TTLL4: variants seen among roughly 807,000 people sequenced by gnomAD.
TTLL4 encodes tubulin monoglutamylase TTLL4.
TTLL4 carries 85 observed loss-of-function variants against 122.7 expected under a neutral mutation model. The ratio of observed to expected loss-of-function variants is 0.69; its 90% CI spans 0.58 to 0.83. The LOEUF (loss-of-function observed/expected upper bound fraction) is 0.83. Ranked by LOEUF, TTLL4 falls within the 40% of genes least tolerant of loss-of-function variation. The probability of loss-of-function intolerance (pLI) is 0.00; values close to 1 mark genes in which losing one functional copy is unlikely to be tolerated. For missense variants in TTLL4, 1,363 were observed against 1,488.6 expected, an observed-to-expected ratio of 0.92 and a Z score of 1.39; for synonymous variants, 553 against 563.0, an observed-to-expected ratio of 0.98 and a Z score of 0.25.
At position 218,754,559 on chromosome 2, in the gene TTLL4, G is replaced by C; in HGVS notation, c.*170G>C. 1.2e-6 allele frequency: 1 copy of C among 858,368 alleles called. No individual in the cohort carries two copies. The highest frequency in any genetic ancestry group is 1.7e-6 in the Non-Finnish European group (1 of 572,996). 53.2% of individuals were successfully genotyped at this position (858,368 alleles called of 1,614,324 possible). ...AGATGGGTATTTGTAGGGCCGGAGGGATGGTAGTGATGGGGAGAAGGTGAG... is the reference window on the plus strand; with the variant it reads ...AGATGGGTATTTGTAGGGCCGGAGGCATGGTAGTGATGGGGAGAAGGTGAG... On this transcript the variant is annotated 3_prime_UTR_variant, in exon 20 of 20. Coordinates refer to ENST00000392102, the MANE Select transcript of TTLL4 (RefSeq NM_014640.5).
chr2:218,737,726 A>ACT lies in TTLL4; in HGVS notation c.51_52insTC (p.Phe19AlafsTer32). On this transcript the variant is annotated frameshift_variant, in exon 3 of 20. Transcript: ENST00000392102. LOFTEE classifies it high-confidence loss of function. ...TATAGTATTGGCCTCCGCCAGAAAA[A>ACT]CAGCTTCAAGCAGAGTGGTCCCTCA... is the stretch of plus-strand genomic sequence containing the variant. 1 of 1,613,670 alleles carries ACT rather than the reference A, an allele frequency of 6.2e-7. No homozygotes were observed.
chr2:218,745,916 T>C, intron 7 of TTLL4, 115 bp downstream of exon 7: 1 of 1,009,052 alleles, frequency 9.9e-7, no homozygotes, highest in Non-Finnish European at 1.5e-6. Context: ...GGCCCTCTCC[T>C]GAAATCCAAC....
intron 1 of TTLL4, among the ~76,000 whole-genome samples, chr2:218,711,978 CTG>C (rs1454966989): frequency 1.3e-5 from 2 of 151,898 alleles, no homozygotes; most frequent in African/African-American, 4.8e-5. Context: ...TACTGAGACA[CTG>C]TTTGCATTTA....
intron 8 of TTLL4, 23 bp from the exon 9 acceptor site, chr2:218,746,980 A>G: frequency 6.2e-7 from 1 of 1,611,218 alleles, no homozygotes; most frequent in Non-Finnish European, 8.5e-7. Context: ...CTCTTCCTGC[A>G]CTCACCCTTT....
chr2:218,729,473 GT>G (rs1443086558), intron 2 of TTLL4, among the ~76,000 whole-genome samples: 1 of 151,962 alleles, frequency 6.6e-6, no homozygotes, highest in Non-Finnish European at 1.5e-5. Flanking sequence ...TTTGTGTTTG[GT>G]TTTCTGTGAG....
At chr2:218,757,704 C>T (rs1250905045), downstream of TTLL4, among the ~76,000 whole-genome samples, 2 of 152,148 alleles carry the variant, frequency 1.3e-5, no homozygotes, top group East Asian at 3.9e-4. Context: ...AGCCAAAGTA[C>T]ATACCCAGTG....
At position 218,738,628 on chromosome 2, in the gene TTLL4, TC is replaced by T; in HGVS notation, c.954del (p.Cys319ValfsTer22). ...NNLAMRAEPL[S>X]CALDDSSDSQ... ...CTTAGCCATGAGGGCAGAGCCACTT[TC>T]CTGTGCTCTGGATGACAGCTCTGAT... On this transcript the variant is annotated frameshift_variant, in exon 3 of 20. Transcript: ENST00000392102. LOFTEE classifies it high-confidence loss of function. 6.2e-7 allele frequency: 1 copy of T among 1,614,214 alleles called. No individual in the cohort carries two copies. The highest frequency in any genetic ancestry group is 8.5e-7 in the Non-Finnish European group (1 of 1,180,040).
intron 2 of TTLL4, among the ~76,000 whole-genome samples, chr2:218,736,843 G>A (rs950405155): frequency 3.5e-5 from 5 of 142,858 alleles, no homozygotes; most frequent in African/African-American, 5.3e-5. Flanking sequence ...GAGTTTTTCA[G>A]ATCGTCTTTT....
Position 218,746,948 on chromosome 2 carries a change from T to C in TTLL4, c.1975-55T>C, listed in dbSNP as rs1942859078. The C allele has an allele frequency of 6.4e-6, 10 of 1,561,882 alleles. 1 individual carries two copies. In the South Asian group the frequency reaches 1.2e-4, roughly 18 times the overall value. On this transcript the variant is annotated intron_variant, in intron 8 of 19. Coordinates refer to ENST00000392102, the MANE Select transcript of TTLL4 (RefSeq NM_014640.5). The stretch of plus-strand genomic sequence containing the variant: ...AATGGTAGAATGAGTCTTGTCATCT[T>C]CCTCATGGCCTCACCTCTGCCCTCT...
chr2:218,746,088 C>A (rs1172770894), intron 7 of TTLL4, 67 bp from the exon 8 acceptor site: 2 of 1,581,942 alleles, frequency 1.3e-6, no homozygotes, highest in South Asian at 2.2e-5. Context: ...GTTCTGGGGC[C>A]TCTGGGCCTC....
intron 8 of TTLL4, chr2:218,746,676 G>A (rs1000630851): frequency 5.8e-5 from 23 of 398,972 alleles, no homozygotes; most frequent in African/African-American, 3.2e-4. Flanking sequence ...GAATGAATGA[G>A]TCCCTTGCCT....
chr2:218,744,642 A>G (rs987395092), intron 5 of TTLL4, among the ~76,000 whole-genome samples: 2 of 152,126 alleles, frequency 1.3e-5, no homozygotes, highest in African/African-American at 4.8e-5. Flanking sequence ...TTTTCTTTCT[A>G]TTGCTTTTTC....
At chr2:218,756,333 A>G (rs1469709817), downstream of TTLL4, among the ~76,000 whole-genome samples, 1 of 152,096 alleles carries the variant, frequency 6.6e-6, no homozygotes, top group Non-Finnish European at 1.5e-5. Flanking sequence ...GAATGGGGGT[A>G]TTGGGGGAAG....
chr2:218,753,479 A>G (rs1943079200), intron 18 of TTLL4, 105 bp from the exon 19 acceptor site: 4 of 1,149,644 alleles, frequency 3.5e-6, no homozygotes, highest in Admixed American at 1.7e-5. Flanking sequence ...GAAGGGGAGA[A>G]CCCCATGATC....
intron 2 of TTLL4, among the ~76,000 whole-genome samples, chr2:218,728,951 G>T (rs1378129089): frequency 6.7e-6 from 1 of 148,516 alleles, no homozygotes; most frequent in Non-Finnish European, 1.5e-5. Flanking sequence ...TGGCGGGGGG[G>T]GGCATAGTTT....
At chr2:218,746,045 C>T in intron 7 of TTLL4, 110 bp from the exon 8 acceptor site, 11 of 1,322,726 alleles carry the variant, frequency 8.3e-6, no homozygotes, top group Non-Finnish European at 1.2e-5. Context: ...TCCATAGCAA[C>T]TCTTTGAAAA....
At chr2:218,755,949 A>G (rs1352517134), downstream of TTLL4, among the ~76,000 whole-genome samples, 1 of 152,174 alleles carries the variant, frequency 6.6e-6, no homozygotes, top group Non-Finnish European at 1.5e-5. Context: ...TTTGGTGACA[A>G]AGTCCTGGGC....
At position 218,739,108 on chromosome 2, in the gene TTLL4, GAGA is replaced by G. The variant is rs1315838960; in HGVS notation, c.1435_1437del (p.Lys479del). 2.5e-6 allele frequency: 4 copies of G among 1,614,100 alleles called. No individual in the cohort carries two copies. Among genetic ancestry groups the G allele is most frequent in the South Asian group, 1.1e-5 (1 of 91,080 alleles). Reference sequence around the variant, plus strand: ...CTCTTCCATCCAGCTGGGCCAGTCTGAGAAGGAGAGACCTGAGGAGGCCAGGGA... The same window carrying G: ...CTCTTCCATCCAGCTGGGCCAGTCTGAGGAGAGACCTGAGGAGGCCAGGGA... On this transcript the variant is annotated inframe_deletion, in exon 3 of 20. Coordinates refer to ENST00000392102, the MANE Select transcript of TTLL4 (RefSeq NM_014640.5).
chr2:218,748,994 G>A (rs1660601783), intron 13 of TTLL4, 60 bp downstream of exon 13: 4 of 1,545,302 alleles, frequency 2.6e-6, no homozygotes, highest in Admixed American at 3.5e-5. Context: ...TTTCTCCTGG[G>A]CCTCACACTG....
Sources: allele counts gnomAD v4.1 joint callset (sites outside exome capture counted in the v4.1 genomes callset), GRCh38; gene constraint gnomAD v4.1.1; transcripts MANE v1.5; gene names NCBI Gene and HGNC (gene_info 2026-07-23, HGNC 2026-07-21).